FILIP1L: variants seen among roughly 807,000 people sequenced by gnomAD.
FILIP1L encodes the protein filamin A-interacting protein 1-like.
FILIP1L carries 55 observed loss-of-function variants against 96.6 expected under a neutral mutation model. That is an observed-to-expected ratio of 0.57 (90% CI 0.46 to 0.71). FILIP1L has a LOEUF of 0.71. Among genes scored for constraint, FILIP1L ranks in the 30% least tolerant of loss-of-function variants. FILIP1L has a pLI of 0.00. For synonymous variants in FILIP1L, 467 were observed against 473.9 expected, an observed-to-expected ratio of 0.99 and a Z score of 0.19; for missense variants, 1,304 against 1,321.2, an observed-to-expected ratio of 0.99 and a Z score of 0.20.
rs372304983 is a variant in FILIP1L, at chr3:99,849,895, G to A, written c.1781C>T (p.Ser594Leu). Residue 594 changes from serine (S) to leucine (L), a missense_variant, in exon 5 of 6, where the codon TCA (serine) becomes TTA (leucine). By Grantham distance (145) the Ser-to-Leu change is moderately radical (BLOSUM62 -2). Coordinates refer to ENST00000477258, the MANE Select transcript of FILIP1L (RefSeq NM_001387850.1). ...GAAATCTTTCTCAATTGCTTCCAAT[G>A]ATTGAAGCCTATTTTTCAACATATT... ...RVNMLKNRLQSLEAIEKDFLK... is the reference protein window; with the variant it reads ...RVNMLKNRLQLLEAIEKDFLK... 38 of 1,611,682 alleles carry A rather than the reference G, an allele frequency of 2.4e-5. No homozygotes were observed. The highest frequency in any genetic ancestry group is 1.2e-4 in the Admixed American group (7 of 59,664).
chr3:99,853,289 C>T (rs1226227085), intron 4 of FILIP1L, among the ~76,000 whole-genome samples: 1 of 152,176 alleles, frequency 6.6e-6, no homozygotes, highest in Non-Finnish European at 1.5e-5. Flanking sequence ...AGCATAATTA[C>T]AGTGAAATAT....
rs908408852 is a variant in FILIP1L at position 99,877,176 on chromosome 3, C to T, written c.606-26106G>A. Among the ~76,000 whole-genome samples the T allele has an allele frequency of 3.3e-5, 5 of 152,082 alleles. No individual in the cohort carries two copies. In the East Asian group the frequency reaches 5.8e-4, roughly 18 times the overall value. On this transcript the variant is annotated intron_variant, in intron 4 of 5. Transcript: ENST00000477258. ...ATGAATCTGCTAAATAAATTAGGGA[C>T]GTGGCATTCTTATTTGCAAGCTTCA...
intron 1 of FILIP1L, among the ~76,000 whole-genome samples, chr3:99,935,552 T>G (rs1707636556): frequency 6.6e-6 from 1 of 152,214 alleles, no homozygotes; most frequent in Non-Finnish European, 1.5e-5. Context: ...TGGGATAGGT[T>G]GTCCCATGAG....
chr3:99,843,962 G>A (rs1170237312), intron 5 of FILIP1L, among the ~76,000 whole-genome samples: 3 of 152,152 alleles, frequency 2.0e-5, no homozygotes, highest in Admixed American at 6.5e-5. Flanking sequence ...AATGATCTGA[G>A]TGGACAGTTT....
intron 1 of FILIP1L, among the ~76,000 whole-genome samples, chr3:99,979,465 A>T (rs1371398580): frequency 2.0e-5 from 3 of 152,238 alleles, no homozygotes. Flanking sequence ...CTAAATTTTG[A>T]AGATGATGAA....
intron 1 of FILIP1L, among the ~76,000 whole-genome samples, chr3:100,060,468 A>G (rs1328835160): frequency 6.6e-6 from 1 of 152,134 alleles, no homozygotes; most frequent in Non-Finnish European, 1.5e-5. Context: ...AAATGAAATC[A>G]GAGCACATTA....
intron 1 of FILIP1L, among the ~76,000 whole-genome samples, chr3:99,946,158 C>G (rs1197659359): frequency 6.6e-6 from 1 of 152,206 alleles, no homozygotes; most frequent in Non-Finnish European, 1.5e-5. Flanking sequence ...AAAAGGGGCC[C>G]TGCAATCCAT....
In FILIP1L at chr3:99,959,807, T is replaced by C. The variant is rs191978268; in HGVS notation, c.-10-28777A>G. ...CAATTAAAGGAAGGGATTGTACTAA[T>C]GTAATTTTTTTAGAATTACCCAACA... On this transcript the variant is annotated intron_variant, in intron 1 of 5. Coordinates refer to ENST00000477258, the MANE Select transcript of FILIP1L (RefSeq NM_001387850.1). Among the ~76,000 whole-genome samples the C allele has an allele frequency of 4.1e-4, 62 of 152,346 alleles. 2 individuals are homozygous for C. The highest frequency in any genetic ancestry group is 3.9e-3 in the South Asian group (19 of 4,822).
intron 4 of FILIP1L, chr3:99,876,160 C>T (rs944953435): frequency 2.0e-6 from 2 of 985,678 alleles, no homozygotes; most frequent in Non-Finnish European, 2.4e-6. Flanking sequence ...CTCCGAGAGT[C>T]GCCCGAACAA....
chr3:99,991,973 C>CATGTATGTGTGTATAT lies in FILIP1L; in HGVS notation c.-10-60944_-10-60943insATATACACACATACAT, dbSNP rs1248111331. On this transcript the variant is annotated intron_variant, in intron 1 of 5. Coordinates refer to ENST00000477258, the MANE Select transcript of FILIP1L (RefSeq NM_001387850.1). Reference sequence around the variant, plus strand: ...GTGTATATATGTGTGTATATATACACACATATATGTGTATATATACGTATA... The same window carrying CATGTATGTGTGTATAT: ...GTGTATATATGTGTGTATATATACACATGTATGTGTGTATATACATATATGTGTATATATACGTATA... Among the ~76,000 whole-genome samples, 34 of 147,072 alleles carry CATGTATGTGTGTATAT rather than the reference C, an allele frequency of 2.3e-4. No homozygotes were observed. The South Asian group carries it at 2.8e-3, about 12-fold the overall frequency.
chr3:100,109,228 A>T lies in FILIP1L; in HGVS notation c.-11+4825T>A, dbSNP rs184830630. ...GTGTGTTTTAATATCCTAAAAAAAAATTTTTCAATGAAAATCTGCAAGAAT... is the reference window on the plus strand; with the variant it reads ...GTGTGTTTTAATATCCTAAAAAAAATTTTTTCAATGAAAATCTGCAAGAAT... On this transcript the variant is annotated intron_variant, in intron 1 of 5. Coordinates refer to ENST00000477258, the MANE Select transcript of FILIP1L (RefSeq NM_001387850.1). Among the ~76,000 whole-genome samples, 1,386 of 152,122 alleles carry T rather than the reference A, an allele frequency of 9.1e-3. 9 individuals are homozygous for T. Among genetic ancestry groups the T allele is most frequent in the Middle Eastern group, 0.017 (5 of 294 alleles).
At chr3:99,995,901 C>T (rs549781402) in intron 1 of FILIP1L, among the ~76,000 whole-genome samples, 4 of 152,318 alleles carry the variant, frequency 2.6e-5, no homozygotes, top group South Asian at 2.1e-4. Flanking sequence ...ACCATTTTCT[C>T]GTAGGCCTCT....
At chr3:100,004,529 G>T (rs1325703909) in intron 1 of FILIP1L, among the ~76,000 whole-genome samples, 2 of 152,156 alleles carry the variant, frequency 1.3e-5, no homozygotes, top group Non-Finnish European at 2.9e-5. Flanking sequence ...AAATTTAGTT[G>T]CAGGTGACGT....
intron 4 of FILIP1L, among the ~76,000 whole-genome samples, chr3:99,892,613 C>CAT (rs1401817738): frequency 6.6e-6 from 1 of 152,162 alleles, no homozygotes; most frequent in East Asian, 1.9e-4. Flanking sequence ...TAGTTCCAGG[C>CAT]ATCTCATCCA....
chr3:99,867,755 T>TGA (rs1447107478), intron 4 of FILIP1L, among the ~76,000 whole-genome samples: 25 of 152,126 alleles, frequency 1.6e-4, no homozygotes, highest in Non-Finnish European at 5.9e-5. Context: ...TATAACACTG[T>TGA]ATACAAATTC....
At chr3:100,084,647 C>G (rs932355677) in intron 1 of FILIP1L, among the ~76,000 whole-genome samples, 1 of 152,180 alleles carries the variant, frequency 6.6e-6, no homozygotes, top group South Asian at 2.1e-4. Context: ...GGGATTTGAC[C>G]GTAAAGCCAT....
chr3:99,989,776 A>G (rs1421885607), intron 1 of FILIP1L, among the ~76,000 whole-genome samples: 1 of 151,930 alleles, frequency 6.6e-6, no homozygotes, highest in African/African-American at 2.4e-5. Flanking sequence ...TGTTAATATT[A>G]AAAGTTAGAT....
chr3:99,987,648 A>G (rs1268566599), intron 1 of FILIP1L, among the ~76,000 whole-genome samples: 3 of 152,160 alleles, frequency 2.0e-5, no homozygotes, highest in Non-Finnish European at 2.9e-5. Flanking sequence ...CATGTCTGAC[A>G]AGACTAACAA....
In FILIP1L at chr3:99,848,532, G is replaced by C. The variant is rs1038463323; in HGVS notation, c.3144C>G (p.Asn1048Lys). 1.2e-6 allele frequency: 2 copies of C among 1,614,084 alleles called. No homozygotes were observed. Among genetic ancestry groups the C allele is most frequent in the African/African-American group, 2.7e-5 (2 of 74,922 alleles). The stretch of plus-strand genomic sequence containing the variant: ...TAGTTATCACACTTGAGCTATTGCT[G>C]TTTGAACGCTGAAACTGCCATGATG... ...RQSSWQFQRS[N>K]SNSSSVITTE... Residue 1048 changes from asparagine (N) to lysine (K), a missense_variant, in exon 5 of 6, where the codon AAC becomes AAG. By Grantham distance (94) the Asn-to-Lys change is moderately conservative (BLOSUM62 0). Coordinates refer to ENST00000477258, the MANE Select transcript of FILIP1L (RefSeq NM_001387850.1).
Sources: gnomAD v4.1 joint callset for allele counts (sites outside exome capture counted in the v4.1 genomes callset) on GRCh38, gnomAD v4.1.1 for gene constraint, MANE v1.5 for transcripts, NCBI Gene and HGNC (gene_info 2026-07-23, HGNC 2026-07-21) for gene names.